The following CELA3B variants were observed in gnomAD, a reference collection of about 807,000 sequenced individuals.
The protein encoded by CELA3B is chymotrypsin like elastase 3B.
A neutral mutation model predicts 37.2 loss-of-function variants in CELA3B; 34 were observed. The ratio of observed to expected loss-of-function variants is 0.91; its 90% CI spans 0.70 to 1.22. The LOEUF is 1.22. CELA3B is among the 50% of genes most tolerant of loss of function. The probability of loss-of-function intolerance (pLI) is 0.00; values close to 1 mark genes in which losing one functional copy is unlikely to be tolerated. For missense variants in CELA3B, 340 were observed against 363.1 expected (o/e 0.94, Z 0.52); for synonymous variants, 127 against 143.5 (o/e 0.89, Z 0.82).
In CELA3B at chr1:21,995,284, G is replaced by A. The variant is rs1204028437; in HGVS notation, c.505-2867G>A. 2.0e-5 allele frequency among the ~76,000 whole-genome samples: 3 copies of A among 149,860 alleles called. 1 individual carries two copies. The highest frequency in any genetic ancestry group is 7.5e-5 in the African/African-American group (3 of 40,150). On this transcript the variant is annotated intron_variant, in intron 4 of 4. Transcript: ENST00000400277. Reference sequence around the variant, plus strand: ...CTCCCAAGAAGCTGGGACTACAGGTGTGTACCATCACGTCTGGCTAATTTT... The same window carrying A: ...CTCCCAAGAAGCTGGGACTACAGGTATGTACCATCACGTCTGGCTAATTTT...
At chr1:21,993,480 G>A (rs200128036), downstream of CELA3B, among the ~76,000 whole-genome samples, 307 of 96,722 alleles carry the variant, frequency 3.2e-3, 10 homozygotes, top group Middle Eastern at 8.9e-3. Flanking sequence ...AAAAAAAAAA[G>A]AAGAAGAAAA....
intron 2 of CELA3B, among the ~76,000 whole-genome samples, chr1:21,979,074 G>A (rs752158693): frequency 2.0e-5 from 3 of 150,710 alleles, no homozygotes; most frequent in Non-Finnish European, 4.4e-5. Flanking sequence ...AAATTATTAT[G>A]ACTATTATTA....
At position 21,977,048 on chromosome 1, in the gene CELA3B, C is replaced by T; in HGVS notation, c.9C>T (p.Leu3=). The change falls in exon 1 of 8, where the codon CTC becomes CTT. Residue 3 remains leucine, a synonymous_variant. Coordinates refer to ENST00000337107, the MANE Select transcript of CELA3B (RefSeq NM_007352.4). ...CTATCATCGCAAAACTCATGATGCT[C>T]CGGCTGCTCAGTTCCCTCCTCCTTG... MM[L]RLLSSLLLVA... 6.2e-7 allele frequency: 1 copy of T among 1,614,148 alleles called. No homozygotes were observed. The highest frequency in any genetic ancestry group is 8.5e-7 in the Non-Finnish European group (1 of 1,180,042).
downstream of CELA3B, among the ~76,000 whole-genome samples, chr1:21,993,647 G>T (rs1644878034): frequency 1.3e-5 from 2 of 148,812 alleles, no homozygotes; most frequent in Admixed American, 1.3e-4. Flanking sequence ...GGGCTCAAGT[G>T]ATCCTCGCAC....
At chr1:21,993,527 C>G (rs1644877608), downstream of CELA3B, among the ~76,000 whole-genome samples, 1 of 150,924 alleles carries the variant, frequency 6.6e-6, no homozygotes, top group South Asian at 2.1e-4. Flanking sequence ...TTTTTCAAAG[C>G]CAAATACTTC....
rs1255512564 is a variant in CELA3B at position 21,983,682 on chromosome 1, C to T, written c.363-12C>T. ...GGAGGACCAGGCCCCGTGACTGTTCCCTCCTCCCCAGCAATGACATCGCCC... is the reference window on the plus strand; with the variant it reads ...GGAGGACCAGGCCCCGTGACTGTTCTCTCCTCCCCAGCAATGACATCGCCC... On this transcript the variant is annotated splice_polypyrimidine_tract_variant and intron_variant, in intron 4 of 7. Coordinates refer to ENST00000337107, the MANE Select transcript of CELA3B (RefSeq NM_007352.4). The T allele has an allele frequency of 3.1e-6, 5 of 1,612,708 alleles. No homozygotes were observed. The East Asian group carries it at 8.9e-5, about 29-fold the overall frequency.
chr1:21,977,146 C>A, intron 1 of CELA3B, 64 bp downstream of exon 1: 1 of 1,606,932 alleles, frequency 6.2e-7, no homozygotes, highest in Non-Finnish European at 8.5e-7. Flanking sequence ...TTGAAATCTA[C>A]CACTTGCTCT....
At chr1:21,979,468 T>G in intron 2 of CELA3B, among the ~76,000 whole-genome samples, 1 of 143,368 alleles carries the variant, frequency 7.0e-6, no homozygotes, top group African/African-American at 2.7e-5. Context: ...TTTTTTTTTT[T>G]TTGAGACAGG....
chr1:21,989,915 C>T (rs10917117), downstream of CELA3B, among the ~76,000 whole-genome samples: 21,720 of 148,410 alleles, frequency 0.15, 2,342 homozygotes, highest in African/African-American at 0.33. Flanking sequence ...AAGAACTGCC[C>T]GAGACTGGGT....
chr1:21,997,899 G>A (rs1233847939), intron 4 of CELA3B, among the ~76,000 whole-genome samples: 10 of 151,246 alleles, frequency 6.6e-5, no homozygotes, highest in Non-Finnish European at 1.0e-4. Context: ...TGAAGTCTTT[G>A]TGTGAGAGAG....
chr1:21,981,288 G>A (rs7552640), intron 4 of CELA3B, 116 bp downstream of exon 4: 14,815 of 48,602 alleles, frequency 0.3, 4,791 homozygotes, highest in Non-Finnish European at 0.51. Context: ...GGGGGAGCTG[G>A]GTCCAGCAGC....
At chr1:21,979,476 AG>A (rs1644792233) in intron 2 of CELA3B, among the ~76,000 whole-genome samples, 1 of 105,062 alleles carries the variant, frequency 9.5e-6, no homozygotes, top group Non-Finnish European at 1.8e-5. Context: ...TTTTTGAGAC[AG>A]GGTCTTGCTG....
intron 7 of CELA3B, among the ~76,000 whole-genome samples, chr1:21,988,216 AC>A (rs1482903909): frequency 2.1e-5 from 3 of 144,612 alleles, no homozygotes; most frequent in Non-Finnish European, 4.5e-5. Context: ...CATCTCAAAA[AC>A]AAAAACAAAC....
At chr1:21,983,147 CT>C (rs1350648666) in intron 4 of CELA3B, among the ~76,000 whole-genome samples, 1 of 151,976 alleles carries the variant, frequency 6.6e-6, no homozygotes, top group Non-Finnish European at 1.5e-5. Flanking sequence ...GTCAGGAGTT[CT>C]AGACCAGCCT....
At chr1:21,996,109 A>C (rs1310768269) in intron 4 of CELA3B, among the ~76,000 whole-genome samples, 3 of 151,210 alleles carry the variant, frequency 2.0e-5, no homozygotes, top group Non-Finnish European at 4.4e-5. Context: ...GCTACTGGGG[A>C]GGCTGAGGCA....
rs764144443 is a variant in CELA3B, at chr1:21,981,109, T to C, written c.299T>C (p.Ile100Thr). The change falls in exon 4 of 8, where the codon ATC becomes ACC. Residue 100 changes from isoleucine (I) to threonine (T), a missense_variant. Transcript: ENST00000337107. ...RAVKEGPEQV[I>T]PINSGDLFVH... is the part of the protein sequence containing the mutation. ...GTGAAGGAGGGCCCCGAGCAGGTGA[T>C]CCCCATCAACTCTGGGGACCTCTTT... is the stretch of plus-strand genomic sequence containing the variant. The C allele has an allele frequency of 4.3e-6, 7 of 1,613,250 alleles. No individual in the cohort carries two copies. In the East Asian group the frequency reaches 1.3e-4, roughly 31 times the overall value.
In CELA3B at chr1:21,977,226, G is replaced by T. The variant is rs184530966; in HGVS notation, c.43+144G>T. 4 of 1,255,400 alleles carry T rather than the reference G, an allele frequency of 3.2e-6. No individual in the cohort carries two copies. In the African/African-American group the frequency reaches 4.5e-5, roughly 14 times the overall value. The allele number at this position is 1,255,400 out of a possible 1,614,324, so 77.8% of individuals were successfully genotyped here. A position where few individuals can be genotyped will look rare whatever the true frequency, so the allele number is the denominator to read the frequency against. On this transcript the variant is annotated intron_variant, in intron 1 of 7. Coordinates refer to ENST00000337107, the MANE Select transcript of CELA3B (RefSeq NM_007352.4). Reference sequence around the variant, plus strand: ...AGCTTGTACCCGGGGGCATGACTGTGGGGGCTTTCAGCTTATGATGGAGCA... The same window carrying T: ...AGCTTGTACCCGGGGGCATGACTGTTGGGGCTTTCAGCTTATGATGGAGCA...
At chr1:21,979,207 G>A (rs1419359569) in intron 2 of CELA3B, among the ~76,000 whole-genome samples, 1 of 151,242 alleles carries the variant, frequency 6.6e-6, no homozygotes, top group African/African-American at 2.4e-5. Flanking sequence ...CAAGTAGCTG[G>A]GATTACAGGC....
intron 4 of CELA3B, among the ~76,000 whole-genome samples, chr1:21,995,124 T>G (rs1004411746): frequency 2.8e-5 from 4 of 145,228 alleles, no homozygotes; most frequent in Non-Finnish European, 6.0e-5. Context: ...CAATATTGGC[T>G]CTCCCCCTTT....
Sources: allele counts gnomAD v4.1 joint callset (sites outside exome capture counted in the v4.1 genomes callset), GRCh38; gene constraint gnomAD v4.1.1; transcripts MANE v1.5; gene names NCBI Gene and HGNC (gene_info 2026-07-23, HGNC 2026-07-21).